TASP1: variants seen among roughly 807,000 people sequenced by gnomAD.
The protein encoded by TASP1 is taspase 1, also known as threonine aspartase 1.
Under a neutral mutation model 56.6 loss-of-function variants are expected in TASP1, and 16 were observed. That is an observed-to-expected ratio of 0.28 (90% confidence interval 0.19 to 0.43). TASP1 has a LOEUF of 0.43. TASP1 is among the 20% of genes least tolerant of loss of function. The probability of loss-of-function intolerance (pLI) is 1.00; values close to 1 mark genes in which losing one functional copy is unlikely to be tolerated. For missense variants in TASP1, 393 were observed against 511.6 expected (o/e 0.77, Z 2.24); for synonymous variants, 179 against 184.2 (o/e 0.97, Z 0.23).
intron 4 of TASP1, among the ~76,000 whole-genome samples, chr20:13,592,080 C>T (rs1416783379): frequency 6.6e-6 from 1 of 152,028 alleles, no homozygotes; most frequent in East Asian, 1.9e-4. Context: ...GAGATGATTG[C>T]TTTATATGCA....
At chr20:13,575,885 A>C (rs938339387) in intron 6 of TASP1, among the ~76,000 whole-genome samples, 2 of 152,052 alleles carry the variant, frequency 1.3e-5, no homozygotes, top group African/African-American at 4.8e-5. Context: ...TAGAAATAAA[A>C]CTATATTCAT....
At chr20:13,432,414 C>G (rs891251186) in intron 12 of TASP1, among the ~76,000 whole-genome samples, 4 of 152,182 alleles carry the variant, frequency 2.6e-5, no homozygotes, top group Admixed American at 2.0e-4. Context: ...TAAAAGGTGA[C>G]TTTCACATCT....
chr20:13,214,717 A>G, the TASP1 span, among the ~76,000 whole-genome samples: 5 of 152,206 alleles, frequency 3.3e-5, no homozygotes, highest in Admixed American at 6.5e-5. Context: ...AATCACAAGG[A>G]TTCCACGGGT....
the TASP1 span, among the ~76,000 whole-genome samples, chr20:13,378,683 C>G: frequency 6.6e-6 from 1 of 152,248 alleles, no homozygotes; most frequent in East Asian, 1.9e-4. Context: ...GTGTTAAAGT[C>G]TCCCACTATT....
At chr20:13,297,746 C>T in the TASP1 span, among the ~76,000 whole-genome samples, 1 of 152,236 alleles carries the variant, frequency 6.6e-6, no homozygotes, top group Non-Finnish European at 1.5e-5. Flanking sequence ...CAGGAATCCA[C>T]ATTTATAATT....
At chr20:13,360,170 T>A in the TASP1 span, among the ~76,000 whole-genome samples, 7 of 152,026 alleles carry the variant, frequency 4.6e-5, no homozygotes. Context: ...TACCTGCCTC[T>A]ACAACCCATT....
chr20:13,125,311 A>T, the TASP1 span, among the ~76,000 whole-genome samples: 1 of 152,206 alleles, frequency 6.6e-6, no homozygotes, highest in Non-Finnish European at 1.5e-5. Context: ...GTGGCTCAGC[A>T]TTCCAAAGAG....
the TASP1 span, among the ~76,000 whole-genome samples, chr20:13,198,309 G>A: frequency 6.6e-5 from 10 of 152,010 alleles, no homozygotes; most frequent in Admixed American, 5.9e-4. Context: ...CAATGTGGTC[G>A]GGTTCTGATG....
intron 4 of TASP1, 133 bp from the exon 5 acceptor site, chr20:13,587,503 C>T (rs2047350094): frequency 3.1e-6 from 2 of 638,188 alleles, no homozygotes; most frequent in African/African-American, 1.9e-5. Context: ...CCAATACCAC[C>T]CTGATGTTAA....
At chr20:13,589,728 A>G (rs1359445395) in intron 4 of TASP1, among the ~76,000 whole-genome samples, 1 of 152,182 alleles carries the variant, frequency 6.6e-6, no homozygotes, top group Non-Finnish European at 1.5e-5. Context: ...TTATATCCAG[A>G]ATATATATTT....
chr20:13,435,482 C>T (rs1270628672), intron 11 of TASP1, among the ~76,000 whole-genome samples: 2 of 152,202 alleles, frequency 1.3e-5, no homozygotes, highest in African/African-American at 4.8e-5. Context: ...CAATGACTCC[C>T]TTTGATCAAC....
intron 11 of TASP1, among the ~76,000 whole-genome samples, chr20:13,439,001 A>G (rs2043117977): frequency 2.6e-5 from 4 of 152,200 alleles, no homozygotes; most frequent in African/African-American, 9.6e-5. Context: ...AAAAGTTAGG[A>G]AACGACTGGT....
chr20:13,615,872 G>A (rs573210439), intron 4 of TASP1, among the ~76,000 whole-genome samples: 2 of 152,128 alleles, frequency 1.3e-5, no homozygotes, highest in South Asian at 4.2e-4. Context: ...AAAGGGGCGG[G>A]TTTGAGAGAT....
chr20:13,293,918 G>A, the TASP1 span, among the ~76,000 whole-genome samples: 3 of 151,786 alleles, frequency 2.0e-5, no homozygotes, highest in Admixed American at 6.6e-5. Flanking sequence ...AGGTTGCAGT[G>A]AGTCGAGATC....
At chr20:13,212,842 T>C in the TASP1 span, among the ~76,000 whole-genome samples, 1 of 152,214 alleles carries the variant, frequency 6.6e-6, no homozygotes, top group Non-Finnish European at 1.5e-5. Flanking sequence ...ACTTTCATCA[T>C]CCTGTTTAGA....
chr20:13,620,533 C>T (rs1360161403), intron 4 of TASP1, among the ~76,000 whole-genome samples: 6 of 151,996 alleles, frequency 3.9e-5, no homozygotes, highest in Non-Finnish European at 5.9e-5. Context: ...AATAATATAA[C>T]GGGCAAGTTT....
chr20:13,584,400 G>C (rs2047229944), intron 5 of TASP1, among the ~76,000 whole-genome samples: 1 of 152,040 alleles, frequency 6.6e-6, no homozygotes, highest in South Asian at 2.1e-4. Context: ...TTATAAACAG[G>C]GTTAAAACGC....
the TASP1 span, among the ~76,000 whole-genome samples, chr20:13,280,241 T>C: frequency 2.0e-5 from 3 of 152,180 alleles, no homozygotes; most frequent in Non-Finnish European, 4.4e-5. Flanking sequence ...TTGTATTTTT[T>C]ACTGTAAAAA....
At chr20:13,455,083 G>A (rs1233847174) in intron 11 of TASP1, among the ~76,000 whole-genome samples, 1 of 152,000 alleles carries the variant, frequency 6.6e-6, no homozygotes, top group Non-Finnish European at 1.5e-5. Flanking sequence ...ATAAGGAACT[G>A]CAGGATCAAA....
Sources: gnomAD v4.1 joint callset for allele counts (sites outside exome capture counted in the v4.1 genomes callset) on GRCh38, gnomAD v4.1.1 for gene constraint, MANE v1.5 for transcripts, NCBI Gene and HGNC (gene_info 2026-07-23, HGNC 2026-07-21) for gene names.